RBMS1: variants seen among roughly 807,000 people sequenced by gnomAD.
RBMS1 encodes RNA binding motif single stranded interacting protein 1, also known as RNA-binding motif, single-stranded-interacting protein 1.
RBMS1 carries 17 observed loss-of-function variants against 62.3 expected under a neutral mutation model. That is an observed-to-expected ratio of 0.27 (90% confidence interval 0.19 to 0.41). The LOEUF (loss-of-function observed/expected upper bound fraction) is 0.41. Among genes scored for constraint, RBMS1 ranks in the 10% least tolerant of loss-of-function variants. The pLI is 1.00. For missense variants in RBMS1, 334 were observed against 504.5 expected (o/e 0.66, Z 3.24); for synonymous variants, 172 against 170.0 (o/e 1.01, Z -0.09).
chr2:160,324,500 C>T (rs545186940), intron 2 of RBMS1, among the ~76,000 whole-genome samples: 5 of 151,510 alleles, frequency 3.3e-5, no homozygotes, highest in Non-Finnish European at 7.4e-5. Flanking sequence ...ATTATTAAAC[C>T]TGAAAACACA....
intron 1 of RBMS1, among the ~76,000 whole-genome samples, chr2:160,415,306 T>C (rs1696172061): frequency 6.6e-6 from 1 of 152,168 alleles, no homozygotes; most frequent in Non-Finnish European, 1.5e-5. Context: ...TGGAGTTTGA[T>C]CTTGGGTCTC....
chr2:160,291,299 C>T (rs1574225026), intron 6 of RBMS1, among the ~76,000 whole-genome samples: 1 of 152,294 alleles, frequency 6.6e-6, no homozygotes, highest in Middle Eastern at 3.4e-3. Flanking sequence ...AATCAAAACA[C>T]TGTAAAATGT....
At chr2:160,375,194 T>G (rs530581512) in intron 1 of RBMS1, among the ~76,000 whole-genome samples, 158 of 152,310 alleles carry the variant, frequency 1.0e-3, no homozygotes, top group Non-Finnish European at 1.9e-3. Context: ...TACTCTTGTC[T>G]GTCTGCCAAA....
At chr2:160,282,380 G>T in intron 9 of RBMS1, 1 of 1,279,810 alleles carries the variant, frequency 7.8e-7, no homozygotes, top group Non-Finnish European at 1.1e-6. Context: ...TCCCCATTGG[G>T]GTTGGTGGTT....
intron 1 of RBMS1, among the ~76,000 whole-genome samples, chr2:160,421,495 G>T (rs947309898): frequency 6.6e-6 from 1 of 152,142 alleles, no homozygotes; most frequent in East Asian, 1.9e-4. Flanking sequence ...TTTTATGGCT[G>T]CATAGTATTC....
In RBMS1 at chr2:160,488,118, C is replaced by T. The variant is rs76601361; in HGVS notation, c.75+5171G>A. Among the ~76,000 whole-genome samples the T allele has an allele frequency of 3.0e-4, 46 of 152,288 alleles. No homozygotes were observed. The East Asian group carries it at 8.3e-3, about 28-fold the overall frequency. On this transcript the variant is annotated intron_variant, in intron 1 of 13. Transcript: ENST00000348849. The stretch of plus-strand genomic sequence containing the variant: ...TTCTATTATCAAATTTGCATATGTA[C>T]TCAAATTTGTGTGTGTGTGTTCAAC...
chr2:160,274,846 T>A (rs1271022135), intron 13 of RBMS1, 82 bp from the exon 14 acceptor site: 1 of 152,660 alleles, frequency 6.6e-6, no homozygotes, highest in Non-Finnish European at 1.5e-5. Flanking sequence ...TTTCTTGTTT[T>A]AAAGAGATAT....
At chr2:160,449,529 C>G (rs1052350542) in intron 1 of RBMS1, among the ~76,000 whole-genome samples, 7 of 152,274 alleles carry the variant, frequency 4.6e-5, no homozygotes, top group African/African-American at 1.4e-4. Context: ...ACCTTACCCC[C>G]AACCCCGTGC....
At chr2:160,318,982 T>A (rs999817953) in intron 2 of RBMS1, among the ~76,000 whole-genome samples, 1 of 152,208 alleles carries the variant, frequency 6.6e-6, no homozygotes, top group African/African-American at 2.4e-5. Context: ...CTATGAGAAA[T>A]ATGTTCAAAT....
intron 1 of RBMS1, among the ~76,000 whole-genome samples, chr2:160,437,811 G>C (rs1365706937): frequency 6.6e-6 from 1 of 152,218 alleles, no homozygotes; most frequent in Non-Finnish European, 1.5e-5. Flanking sequence ...CAAGGGACCT[G>C]AGTTATATGT....
chr2:160,479,048 G>GGTT (rs369196103), intron 1 of RBMS1, among the ~76,000 whole-genome samples: 2 of 152,148 alleles, frequency 1.3e-5, no homozygotes, highest in African/African-American at 4.8e-5. Context: ...AGCCTCACTG[G>GGTT]GTTGTTGTTG....
At chr2:160,329,790 A>G (rs1398813983) in intron 2 of RBMS1, among the ~76,000 whole-genome samples, 6 of 151,914 alleles carry the variant, frequency 3.9e-5, no homozygotes, top group Non-Finnish European at 8.8e-5. Flanking sequence ...CTTCTTATCT[A>G]TATGATTGTC....
intron 3 of RBMS1, 102 bp from the exon 4 acceptor site, chr2:160,313,349 T>A: frequency 8.8e-7 from 1 of 1,139,480 alleles, no homozygotes; most frequent in Non-Finnish European, 1.2e-6. Flanking sequence ...GCAAGAGACA[T>A]GAAAATGTCC....
At chr2:160,460,699 T>A (rs1684425114) in intron 1 of RBMS1, among the ~76,000 whole-genome samples, 1 of 152,254 alleles carries the variant, frequency 6.6e-6, no homozygotes. Flanking sequence ...CAACTTATTC[T>A]GATTTCACTA....
At chr2:160,280,002 A>AT (rs893193702) in intron 10 of RBMS1, among the ~76,000 whole-genome samples, 14 of 151,416 alleles carry the variant, frequency 9.2e-5, no homozygotes, top group South Asian at 2.1e-4. Flanking sequence ...TCTGTTAGAA[A>AT]TTTTTTTTTT....
At chr2:160,489,272 C>T (rs547478340) in intron 1 of RBMS1, among the ~76,000 whole-genome samples, 2 of 152,332 alleles carry the variant, frequency 1.3e-5, no homozygotes, top group Admixed American at 6.5e-5. Context: ...TAATACCCCA[C>T]TCACTTAAGG....
intron 1 of RBMS1, among the ~76,000 whole-genome samples, chr2:160,412,528 C>G (rs1696075085): frequency 1.3e-5 from 2 of 152,084 alleles, no homozygotes; most frequent in Non-Finnish European, 2.9e-5. Context: ...AACGCCGCAT[C>G]TCAAAAAAAG....
chr2:160,416,452 T>C (rs1696212048), intron 1 of RBMS1, among the ~76,000 whole-genome samples: 1 of 152,112 alleles, frequency 6.6e-6, no homozygotes, highest in South Asian at 2.1e-4. Context: ...ACATTTACAT[T>C]TTTGGGGGCT....
At chr2:160,476,680 A>G (rs925599960) in intron 1 of RBMS1, among the ~76,000 whole-genome samples, 57 of 146,474 alleles carry the variant, frequency 3.9e-4, no homozygotes, top group African/African-American at 1.4e-3. Flanking sequence ...TCAGCCTCCC[A>G]AGTAGCTGGG....
Sources: gnomAD v4.1 joint callset for allele counts (sites outside exome capture counted in the v4.1 genomes callset) on GRCh38, gnomAD v4.1.1 for gene constraint, MANE v1.5 for transcripts, NCBI Gene and HGNC (gene_info 2026-07-23, HGNC 2026-07-21) for gene names.